MBLAC2: variants seen among roughly 807,000 people sequenced by gnomAD.
MBLAC2 encodes the protein metallo-beta-lactamase domain containing 2.
In MBLAC2, 24 loss-of-function variants were observed where a neutral mutation model predicts 23.3. The observed-to-expected ratio is 1.03, with a 90% confidence interval of 0.75 to 1.45. MBLAC2 has a LOEUF of 1.45. MBLAC2 is among the 40% of genes most tolerant of loss of function. MBLAC2 has a pLI of 0.00. For missense variants in MBLAC2, 358 were observed against 370.0 expected, an observed-to-expected ratio of 0.97 and a Z score of 0.27; for synonymous variants, 162 against 150.9, an observed-to-expected ratio of 1.07 and a Z score of -0.54.
chr5:90,461,169 A>T lies in MBLAC2; in HGVS notation c.838T>A (p.Ter280LysextTer4), dbSNP rs560259450. The stretch of plus-strand genomic sequence containing the variant: ...AAAATATATTATCAGTATAGATACT[A>T]GGGCGAGGTCCTAGAATTTGTTACA... The part of the protein sequence containing the change: ...LRVTNSRTSP[*>K] The change falls in exon 2 of 2, where the codon TAG becomes AAG. Residue 280 changes from the stop codon to lysine (K), a stop_lost. Transcript: ENST00000316610. The T allele has an allele frequency of 6.6e-5, 105 of 1,585,970 alleles. 1 individual carries two copies. The South Asian group carries it at 1.1e-3, about 17-fold the overall frequency.
At chr5:90,467,973 T>C (rs977021817) in intron 1 of MBLAC2, among the ~76,000 whole-genome samples, 5 of 152,214 alleles carry the variant, frequency 3.3e-5, no homozygotes, top group Admixed American at 3.3e-4. Flanking sequence ...TGAAGTGTAG[T>C]TTCACTGGAT....
In MBLAC2 at chr5:90,460,093, A is replaced by ATC. The variant is rs1256084859; in HGVS notation, c.*1073_*1074insGA. ...ACCTTTTATATGACTTTACGAACAT[A>ATC]GACTTCTCTATTCAAGACAAAGAAT... is the stretch of plus-strand genomic sequence containing the variant. On this transcript the variant is annotated 3_prime_UTR_variant, in exon 2 of 2. Coordinates refer to ENST00000316610, the MANE Select transcript of MBLAC2 (RefSeq NM_203406.2). The ATC allele has an allele frequency of 6.6e-6, 1 of 152,584 alleles. No homozygotes were observed. The highest frequency in any genetic ancestry group is 1.5e-5 in the Non-Finnish European group (1 of 67,988). 9.5% of individuals were successfully genotyped at this position (152,584 alleles called of 1,614,324 possible).
At chr5:90,465,173 G>A (rs1750428232) in intron 1 of MBLAC2, among the ~76,000 whole-genome samples, 1 of 152,076 alleles carries the variant, frequency 6.6e-6, no homozygotes, top group East Asian at 1.9e-4. Flanking sequence ...AACATACAAA[G>A]ATAAACTATA....
At position 90,474,437 on chromosome 5, in the gene MBLAC2, G is replaced by C; in HGVS notation, c.-145C>G. The C allele has an allele frequency of 4.1e-6, 3 of 731,152 alleles. 1 individual carries two copies. In the South Asian group the frequency reaches 5.0e-5, roughly 12 times the overall value. 45.3% of individuals were successfully genotyped at this position (731,152 alleles called of 1,614,324 possible). On this transcript the variant is annotated 5_prime_UTR_variant, in exon 1 of 2. Coordinates refer to ENST00000316610, the MANE Select transcript of MBLAC2 (RefSeq NM_203406.2). ...AGAGCGAGGCGGGGGCGTGGGATGC[G>C]GGGGTCGGAATAGGAGGAGGAAGGA...
rs1052309061 is a variant in MBLAC2, at chr5:90,470,701, A to C, written c.454+3138T>G. ...TCTCATCCTTCTAGGAAACTAGTAG[A>C]ACACACACACACTCTTTCTCCTGTC... On this transcript the variant is annotated intron_variant, in intron 1 of 1. Transcript: ENST00000316610. Among the ~76,000 whole-genome samples the C allele has an allele frequency of 6.0e-5, 9 of 150,478 alleles. No individual in the cohort carries two copies. In the East Asian group the frequency reaches 7.9e-4, roughly 13 times the overall value.
intron 1 of MBLAC2, chr5:90,473,408 AAGCAC>A: frequency 2.2e-6 from 1 of 455,354 alleles, no homozygotes; most frequent in Non-Finnish European, 3.9e-6. Context: ...CAATTCTCAA[AAGCAC>A]AGATCATGAC....
intron 1 of MBLAC2, among the ~76,000 whole-genome samples, chr5:90,470,756 G>GCGCACACACACA (rs1272602098): frequency 3.2e-4 from 45 of 140,652 alleles, no homozygotes; most frequent in African/African-American, 1.2e-3. Context: ...TAGCGCGCGC[G>GCGCACACACACA]CACACACACA....
At chr5:90,473,074 T>C (rs1268746635) in intron 1 of MBLAC2, 5 of 152,260 alleles carry the variant, frequency 3.3e-5, no homozygotes, top group African/African-American at 1.2e-4. Flanking sequence ...AATTCCATAC[T>C]TGTCTTTCAC....
chr5:90,472,365 T>G (rs1469603554), intron 1 of MBLAC2: 1 of 152,176 alleles, frequency 6.6e-6, no homozygotes, highest in Non-Finnish European at 1.5e-5. Flanking sequence ...TAATGTGAAT[T>G]AAAATTTAAT....
chr5:90,462,860 T>G (rs1554036790), intron 1 of MBLAC2, among the ~76,000 whole-genome samples: 1 of 152,166 alleles, frequency 6.6e-6, no homozygotes, highest in Non-Finnish European at 1.5e-5. Context: ...GAACAACTCT[T>G]ATCAACCAAC....
At position 90,460,675 on chromosome 5, in the gene MBLAC2, G is replaced by A. The variant is rs1185243727; in HGVS notation, c.*492C>T. 6.6e-6 allele frequency: 1 copy of A among 152,300 alleles called. No homozygotes were observed. The allele number at this position is 152,300 out of a possible 1,614,324, so 9.4% of individuals were successfully genotyped here. On this transcript the variant is annotated 3_prime_UTR_variant, in exon 2 of 2. Transcript: ENST00000316610. ...ATAAAAAATTCAGGACCATAACAAT[G>A]GAATGTTTTAGTTGTCATTCTCAAT...
At chr5:90,462,652 T>G (rs1272600817) in intron 1 of MBLAC2, among the ~76,000 whole-genome samples, 2 of 152,184 alleles carry the variant, frequency 1.3e-5, no homozygotes, top group African/African-American at 4.8e-5. Context: ...AGTAATTTTA[T>G]GAGAATGTAC....
In MBLAC2 at chr5:90,474,056, G is replaced by C. The variant is rs35599358; in HGVS notation, c.237C>G (p.Ala79=). ...KEDAARRPLL[A]VATHVHFDHS... ...GGTCGAAGTGCACGTGGGTGGCCAC[G>C]GCAAGCAGTGGCCGGCGCGCCGCGT... Residue 79 remains alanine, a synonymous_variant, in exon 1 of 2, where the codon GCC becomes GCG. Transcript: ENST00000316610. 1,390 of 1,583,162 alleles carry C rather than the reference G, an allele frequency of 8.8e-4. 14 individuals carry two copies. In the African/African-American group the frequency reaches 0.017, roughly 19 times the overall value.
At position 90,461,380 on chromosome 5, in the gene MBLAC2, A is replaced by T; in HGVS notation, c.627T>A (p.Val209=). The change falls in exon 2 of 2, where the codon GTT becomes GTA. Residue 209 remains valine (V), a synonymous_variant. Transcript: ENST00000316610. ...ATTCTATTAGACGTTCACAAGTTCC[A>T]ACATAGTCACTTATCCTGCTGTATG... ...WLPYSRISDY[V]GTCERLIELV... is the part of the protein sequence containing the mutation. The T allele has an allele frequency of 6.2e-7, 1 of 1,614,158 alleles. No homozygotes were observed. The highest frequency in any genetic ancestry group is 8.5e-7 in the Non-Finnish European group (1 of 1,180,000).
rs1333668637 is a variant in MBLAC2 at position 90,461,407 on chromosome 5, G to A, written c.600C>T (p.Leu200=). The A allele has an allele frequency of 1.2e-6, 2 of 1,614,100 alleles. No homozygotes were observed. Among genetic ancestry groups the A allele is most frequent in the Non-Finnish European group, 1.7e-6 (2 of 1,180,004 alleles). The part of the protein sequence containing the change: ...VVYDGSLIDW[L]PYSRISDYVG... ...CATAGTCACTTATCCTGCTGTATGGGAGCCAGTCAATCAGTGATCCATCAT... is the reference window on the plus strand; with the variant it reads ...CATAGTCACTTATCCTGCTGTATGGAAGCCAGTCAATCAGTGATCCATCAT... Residue 200 remains leucine (L), a synonymous_variant, in exon 2 of 2, where the codon CTC becomes CTT. Coordinates refer to ENST00000316610, the MANE Select transcript of MBLAC2 (RefSeq NM_203406.2).
chr5:90,473,562 T>A, intron 1 of MBLAC2: 1 of 643,942 alleles, frequency 1.6e-6, no homozygotes, highest in South Asian at 1.7e-5. Flanking sequence ...CTACAGCCGA[T>A]GCAGGAAAGT....
intron 1 of MBLAC2, 29 bp downstream of exon 1, chr5:90,473,810 G>T (rs748927946): frequency 3.2e-6 from 5 of 1,547,780 alleles, no homozygotes; most frequent in Non-Finnish European, 4.4e-6. Context: ...CTCCCTTAAC[G>T]AGAGCGCGCG....
intron 1 of MBLAC2, among the ~76,000 whole-genome samples, chr5:90,462,265 G>T (rs753294604): frequency 6.6e-6 from 1 of 152,142 alleles, no homozygotes; most frequent in African/African-American, 2.4e-5. Flanking sequence ...GGAGCAACAT[G>T]GGTGGAAAAT....
chr5:90,473,507 G>T, intron 1 of MBLAC2: 1 of 586,980 alleles, frequency 1.7e-6, no homozygotes. Flanking sequence ...CTTAGGGAAA[G>T]AATGAGAAAT....
Sources: gnomAD v4.1 joint callset for allele counts (sites outside exome capture counted in the v4.1 genomes callset) on GRCh38, gnomAD v4.1.1 for gene constraint, MANE v1.5 for transcripts, NCBI Gene and HGNC (gene_info 2026-07-23, HGNC 2026-07-21) for gene names.